BCAM: variants seen among roughly 807,000 people sequenced by gnomAD.
BCAM encodes the protein basal cell adhesion molecule.
BCAM carries 61 observed loss-of-function variants against 72.4 expected under a neutral mutation model. The ratio of observed to expected loss-of-function variants is 0.84; its 90% CI spans 0.69 to 1.04. BCAM has a LOEUF of 1.04. Ranked by LOEUF, BCAM falls within the 50% of genes least tolerant of loss-of-function variation. The probability of loss-of-function intolerance (pLI) is 0.00; values close to 1 mark genes in which losing one functional copy is unlikely to be tolerated. For missense variants in BCAM, 909 were observed against 895.0 expected, an observed-to-expected ratio of 1.02 and a Z score of -0.20; for synonymous variants, 408 against 384.2, an observed-to-expected ratio of 1.06 and a Z score of -0.73.
chr19:44,811,828 T>G, intron 2 of BCAM: 1 of 394,650 alleles, frequency 2.5e-6, no homozygotes, highest in Non-Finnish European at 4.6e-6. Flanking sequence ...GAGGTTGCAG[T>G]GAGCCGAGAT....
In BCAM at chr19:44,814,903, T is replaced by A; in HGVS notation, c.1078+143T>A. The A allele has an allele frequency of 9.7e-7, 1 of 1,032,634 alleles. No homozygotes were observed. The highest frequency in any genetic ancestry group is 1.3e-6 in the Non-Finnish European group (1 of 783,364). The allele number at this position is 1,032,634 out of a possible 1,614,324, so 64.0% of individuals were successfully genotyped here. On this transcript the variant is annotated intron_variant, in intron 8 of 14. Coordinates refer to ENST00000270233, the MANE Select transcript of BCAM (RefSeq NM_005581.5). This position sits in a 1 kb window ranked among gnomAD's most constrained non-coding sequence, Gnocchi z 4.6. ...TCTCTGCATTTCTTGGGGGTTTTTT[T>A]GGTTGTTTTTTTTTTTTTTTTTTTC... is the stretch of plus-strand genomic sequence containing the variant.
At position 44,813,568 on chromosome 19, in the gene BCAM, C is replaced by G. The variant is rs139275212; in HGVS notation, c.732C>G (p.Pro244=). ...ACTGCGCCGCCCACTACAGCCTGCC[C>G]GAGGGCCGCCACGGCCGCCTGGACA... ...SFHCAAHYSL[P]EGRHGRLDSP... Residue 244 remains proline (P), a synonymous_variant, in exon 6 of 15, where the codon CCC becomes CCG. Coordinates refer to ENST00000270233, the MANE Select transcript of BCAM (RefSeq NM_005581.5). This position sits in a 1 kb window ranked among gnomAD's most constrained non-coding sequence, Gnocchi z 4.2. 1.0e-4 allele frequency: 161 copies of G among 1,612,644 alleles called. No homozygotes were observed. The African/African-American group carries it at 2.0e-3, about 20-fold the overall frequency.
chr19:44,816,956 G>T (rs1263322576), intron 8 of BCAM, among the ~76,000 whole-genome samples: 4 of 150,708 alleles, frequency 2.7e-5, no homozygotes, highest in Admixed American at 2.0e-4. Flanking sequence ...AAAGAAATTG[G>T]CCGGGCACGG....
Position 44,814,174 on chromosome 19 carries a change from C to T in BCAM, c.807C>T (p.Phe269=). The T allele has an allele frequency of 1.3e-6, 2 of 1,585,222 alleles. No individual in the cohort carries two copies. Among genetic ancestry groups the T allele is most frequent in the Non-Finnish European group, 1.7e-6 (2 of 1,172,238 alleles). The change falls in exon 7 of 15, where the codon TTC becomes TTT. Residue 269 remains phenylalanine, a synonymous_variant. Transcript: ENST00000270233. The surrounding 1 kb of genome is among the most constrained non-coding windows in gnomAD (Gnocchi z 4.6). ...TAGATCCCACGGAGCACGTGCAGTT[C>T]TGGGTGGGCAGCCCGTCCACCCCAG... is the stretch of plus-strand genomic sequence containing the variant. ...TLHYPTEHVQ[F]WVGSPSTPAG...
chr19:44,809,163 C>A lies in BCAM; in HGVS notation c.39C>A (p.Ala13=). The A allele has an allele frequency of 6.8e-7, 1 of 1,474,512 alleles. No individual in the cohort carries two copies. The highest frequency in any genetic ancestry group is 9.0e-7 in the Non-Finnish European group (1 of 1,116,114). The allele number at this position is 1,474,512 out of a possible 1,614,324, so 91.3% of individuals were successfully genotyped here. Residue 13 remains alanine (A), a synonymous_variant, in exon 1 of 15, where the codon GCC becomes GCA. Coordinates refer to ENST00000270233, the MANE Select transcript of BCAM (RefSeq NM_005581.5). ...ACGCACCGGCCCAGGCGCGCGGGGC[C>A]CCGCGGCTGCTGTTGCTCGCAGTCC... ...PPDAPAQARG[A]PRLLLLAVLL... is the part of the protein sequence containing the mutation.
In BCAM at chr19:44,813,629, G is replaced by C. The variant is rs1968462248; in HGVS notation, c.784+9G>C. The C allele has an allele frequency of 1.1e-5, 17 of 1,609,210 alleles. No homozygotes were observed. Among genetic ancestry groups the C allele is most frequent in the Non-Finnish European group, 1.4e-5 (17 of 1,178,104 alleles). ...CCACCTCACCCTGCACTGTGAGTCTGTGCTGGCCTTTGACCTCTGACCTCA... is the reference window on the plus strand; with the variant it reads ...CCACCTCACCCTGCACTGTGAGTCTCTGCTGGCCTTTGACCTCTGACCTCA... On this transcript the variant is annotated intron_variant, in intron 6 of 14. Transcript: ENST00000270233. This position sits in a 1 kb window ranked among gnomAD's most constrained non-coding sequence, Gnocchi z 4.2.
Position 44,813,891 on chromosome 19 carries a change from TC to T in BCAM, c.785-255del, listed in dbSNP as rs963499120. 1.3e-5 allele frequency among the ~76,000 whole-genome samples: 2 copies of T among 151,902 alleles called. No homozygotes were observed. Among genetic ancestry groups the T allele is most frequent in the African/African-American group, 4.8e-5 (2 of 41,334 alleles). ...TTCCACCTTCTCACACTGAATTGGGTCCCCCCATGACATCTGGCTCCAAGTC... is the reference window on the plus strand; with the variant it reads ...TTCCACCTTCTCACACTGAATTGGGTCCCCCATGACATCTGGCTCCAAGTC... On this transcript the variant is annotated intron_variant, in intron 6 of 14. Transcript: ENST00000270233. This position sits in a 1 kb window ranked among gnomAD's most constrained non-coding sequence, Gnocchi z 4.2.
At chr19:44,809,681 A>ACATGTG (rs1422836818) in intron 1 of BCAM, among the ~76,000 whole-genome samples, 3 of 152,106 alleles carry the variant, frequency 2.0e-5, no homozygotes, top group African/African-American at 7.2e-5. Flanking sequence ...CACACCAGCG[A>ACATGTG]TCCACATGTA....
At chr19:44,811,177 G>C (rs374142309) in intron 1 of BCAM, 48 bp from the exon 2 acceptor site, 15 of 1,609,686 alleles carry the variant, frequency 9.3e-6, no homozygotes, top group Non-Finnish European at 1.2e-5. Context: ...TGTCTGGAGG[G>C]CTCTTCCTGT....
At chr19:44,811,701 A>G (rs1968422364) in intron 2 of BCAM, 1 of 296,942 alleles carries the variant, frequency 3.4e-6, no homozygotes, top group Non-Finnish European at 6.4e-6. Context: ...CCTGACCAAC[A>G]TGGTGAAACC....
intron 1 of BCAM, 128 bp from the exon 2 acceptor site, chr19:44,811,097 C>T: frequency 7.1e-7 from 1 of 1,399,780 alleles, no homozygotes; most frequent in Non-Finnish European, 9.8e-7. Flanking sequence ...GGGGCTGGCA[C>T]CTGGACTCCT....
rs188278431 is a variant in BCAM at position 44,814,685 on chromosome 19, T to C, written c.1003T>C (p.Tyr335His). ...EGVTRGQSGT[Y>H]GCRVEDYDAA... is the part of the protein sequence containing the mutation. ...AGTGACCCGGGGCCAGAGCGGGACC[T>C]ATGGCTGCAGAGTGGAGGATTACGA... is the stretch of plus-strand genomic sequence containing the variant. Residue 335 changes from tyrosine (Y) to histidine (H), a missense_variant, in exon 8 of 15, where the codon TAT becomes CAT. By Grantham distance (83) the Tyr-to-His change is moderately conservative. Transcript: ENST00000270233. The surrounding 1 kb of genome is among the most constrained non-coding windows in gnomAD (Gnocchi z 4.6). 6.2e-7 allele frequency: 1 copy of C among 1,614,052 alleles called. No individual in the cohort carries two copies. Among genetic ancestry groups the C allele is most frequent in the East Asian group, 2.2e-5 (1 of 44,868 alleles).
At position 44,818,465 on chromosome 19, in the gene BCAM, G is replaced by A. The variant is rs1968529789; in HGVS notation, c.1079-57G>A. The A allele has an allele frequency of 1.4e-5, 20 of 1,452,456 alleles. No individual in the cohort carries two copies. The South Asian group carries it at 2.2e-4, about 16-fold the overall frequency. 90.0% of individuals were successfully genotyped at this position (1,452,456 alleles called of 1,614,324 possible). On this transcript the variant is annotated intron_variant, in intron 8 of 14. Coordinates refer to ENST00000270233, the MANE Select transcript of BCAM (RefSeq NM_005581.5). The surrounding 1 kb of genome is among the most constrained non-coding windows in gnomAD (Gnocchi z 4.6). ...TTGCACCCCCGACCGCCCCTGGAGAGCCCCTAATTGAGTGGGTGGCGGTCT... is the reference window on the plus strand; with the variant it reads ...TTGCACCCCCGACCGCCCCTGGAGAACCCCTAATTGAGTGGGTGGCGGTCT...
At chr19:44,810,745 A>G (rs1968407037) in intron 1 of BCAM, among the ~76,000 whole-genome samples, 1 of 152,180 alleles carries the variant, frequency 6.6e-6, no homozygotes, top group Admixed American at 6.5e-5. Flanking sequence ...TGGGATAAGC[A>G]AAGGCTGGTG....
chr19:44,814,916 T>TTG lies in BCAM; in HGVS notation c.1078+157_1078+158insGT, dbSNP rs200514525. 6.8e-5 allele frequency among the ~76,000 whole-genome samples: 10 copies of TTG among 146,278 alleles called. No individual in the cohort carries two copies. Among genetic ancestry groups the TTG allele is most frequent in the African/African-American group, 2.4e-4 (9 of 38,126 alleles). On this transcript the variant is annotated intron_variant, in intron 8 of 14. Transcript: ENST00000270233. This position sits in a 1 kb window ranked among gnomAD's most constrained non-coding sequence, Gnocchi z 4.6. ...TGGGGGTTTTTTTGGTTGTTTTTTT[T>TTG]TTTTTTTTTTTCCCAGAGACAGGAC...
intron 1 of BCAM, among the ~76,000 whole-genome samples, 169 bp from the exon 2 acceptor site, chr19:44,811,056 A>G (rs1429203799): frequency 2.2e-5 from 2 of 91,452 alleles, no homozygotes; most frequent in Admixed American, 1.1e-4. Flanking sequence ...AGGAGGGGAC[A>G]GGGGCCCAGA....
chr19:44,820,043 C>T (rs1164824582), intron 13 of BCAM: 4 of 1,244,342 alleles, frequency 3.2e-6, no homozygotes, highest in East Asian at 3.4e-5. Context: ...AGCTCAGCCT[C>T]ATCCCCAACT....
chr19:44,820,302 A>G, intron 13 of BCAM: 1 of 1,027,072 alleles, frequency 9.7e-7, no homozygotes, highest in Non-Finnish European at 1.2e-6. Flanking sequence ...ACCGTCCCGA[A>G]GCCAACTTCA....
chr19:44,819,951 A>G, intron 13 of BCAM: 1 of 1,338,508 alleles, frequency 7.5e-7, no homozygotes, highest in African/African-American at 1.7e-5. Context: ...TGCAGCCCCA[A>G]ACCCAACCCA....
Sources: gnomAD v4.1 joint callset for allele counts (sites outside exome capture counted in the v4.1 genomes callset) on GRCh38, gnomAD v4.1.1 for gene constraint, Gnocchi (gnomAD v3.1) non-coding constraint, MANE v1.5 for transcripts, NCBI Gene and HGNC (gene_info 2026-07-23, HGNC 2026-07-21) for gene names.